The following ZBTB44 variants were observed in gnomAD, a reference collection of about 807,000 sequenced individuals.
ZBTB44 encodes the protein zinc finger and BTB domain-containing protein 44.
ZBTB44 carries 15 observed loss-of-function variants against 54.0 expected under a neutral mutation model. That is an observed-to-expected ratio of 0.28 (90% CI 0.19 to 0.43). ZBTB44 has a LOEUF of 0.43. Among genes scored for constraint, ZBTB44 ranks in the 20% least tolerant of loss-of-function variants. ZBTB44 has a pLI of 1.00. For missense variants in ZBTB44, 487 were observed against 707.1 expected (o/e 0.69, Z 3.53); for synonymous variants, 230 against 250.1 (o/e 0.92, Z 0.76).
intron 1 of ZBTB44, chr11:130,296,215 A>T (rs1941633696): frequency 1.7e-5 from 22 of 1,292,104 alleles, no homozygotes; most frequent in South Asian, 1.6e-4. Context: ...GTTAGTGTTG[A>T]TGATGATAAA....
At chr11:130,257,615 G>A (rs185879032) in intron 2 of ZBTB44, among the ~76,000 whole-genome samples, 15 of 152,276 alleles carry the variant, frequency 9.9e-5, no homozygotes, top group East Asian at 1.9e-4. Context: ...AACACCTGTC[G>A]TTCAGATTTC....
intron 1 of ZBTB44, chr11:130,296,002 A>C (rs1455359621): frequency 6.4e-7 from 1 of 1,560,148 alleles, no homozygotes; most frequent in African/African-American, 1.4e-5. Context: ...TATGCAGAAT[A>C]TCCCAGGGTT....
intron 1 of ZBTB44, among the ~76,000 whole-genome samples, chr11:130,291,633 T>C (rs770947058): frequency 6.6e-6 from 1 of 152,220 alleles, no homozygotes; most frequent in Non-Finnish European, 1.5e-5. Flanking sequence ...TTCTCTACAC[T>C]GAACTCTGGT....
At position 130,250,078 on chromosome 11, in the gene ZBTB44, G is replaced by C. The variant is rs182995664; in HGVS notation, c.1019-10182C>G. On this transcript the variant is annotated intron_variant, in intron 2 of 7. Transcript: ENST00000357899. The stretch of plus-strand genomic sequence containing the variant: ...TGACCTGGGACGATCAAGCTTGGTC[G>C]GGGGAGGGACATCCGCCATTACTGA... Among the ~76,000 whole-genome samples, 21 of 152,294 alleles carry C rather than the reference G, an allele frequency of 1.4e-4. No individual in the cohort carries two copies. The East Asian group carries it at 4.1e-3, about 30-fold the overall frequency.
chr11:130,251,171 G>C (rs1937969806), intron 2 of ZBTB44, among the ~76,000 whole-genome samples: 1 of 152,148 alleles, frequency 6.6e-6, no homozygotes, highest in Non-Finnish European at 1.5e-5. Flanking sequence ...ATAGCTGAAT[G>C]GATCAAGCGG....
chr11:130,261,126 T>C lies in ZBTB44; in HGVS notation c.748A>G (p.Asn250Asp), dbSNP rs373696087. The C allele has an allele frequency of 7.7e-5, 125 of 1,614,002 alleles. No homozygotes were observed. Among genetic ancestry groups the C allele is most frequent in the Middle Eastern group, 3.3e-4 (2 of 6,062 alleles). ...CCAGGTAATTCTAAAGTCCGGGTAT[T>C]TTCTGCTTGCTTAACTTTCTCAGGC... is the stretch of plus-strand genomic sequence containing the variant. ...IQPEKVKQAE[N>D]TRTLELPGPS... Residue 250 changes from asparagine (N) to aspartate (D), a missense_variant, in exon 2 of 8, where the codon AAT (asparagine) becomes GAT (aspartate). Physicochemically the swap from Asn to Asp is conservative, Grantham distance 23 (BLOSUM62 1). Transcript: ENST00000357899. This position sits in a 1 kb window ranked among gnomAD's most constrained non-coding sequence, Gnocchi z 4.8.
At chr11:130,313,022 T>C (rs893665149) in intron 1 of ZBTB44, among the ~76,000 whole-genome samples, 5 of 152,120 alleles carry the variant, frequency 3.3e-5, no homozygotes, top group Admixed American at 2.6e-4. Flanking sequence ...TTTTTATTCA[T>C]TGCATGAATA....
rs542573545 is a variant in ZBTB44 at position 130,280,223 on chromosome 11, A to T, written c.-56-18294T>A. ...TAAATGCAAATGATTTAATCACAACAATGAAAACACAGAGACAGCACGAGG... is the reference window on the plus strand; with the variant it reads ...TAAATGCAAATGATTTAATCACAACTATGAAAACACAGAGACAGCACGAGG... On this transcript the variant is annotated intron_variant, in intron 1 of 7. Transcript: ENST00000357899. 7.2e-5 allele frequency among the ~76,000 whole-genome samples: 11 copies of T among 152,340 alleles called. No homozygotes were observed. The East Asian group carries it at 2.1e-3, about 29-fold the overall frequency.
chr11:130,257,096 CA>C (rs1938501923), intron 2 of ZBTB44, among the ~76,000 whole-genome samples: 1 of 151,844 alleles, frequency 6.6e-6, no homozygotes, highest in Non-Finnish European at 1.5e-5. Context: ...AATCAATGTG[CA>C]AAAATCACAA....
intron 2 of ZBTB44, among the ~76,000 whole-genome samples, chr11:130,247,964 T>C (rs1470857749): frequency 1.3e-5 from 2 of 152,214 alleles, no homozygotes; most frequent in Non-Finnish European, 2.9e-5. Context: ...ATACTGAATT[T>C]TACAACCTTT....
rs965449374 is a variant in ZBTB44 at position 130,227,194 on chromosome 11, C to T, written c.*4570G>A. 3.3e-5 allele frequency: 5 copies of T among 152,044 alleles called. No individual in the cohort carries two copies. Among genetic ancestry groups the T allele is most frequent in the African/African-American group, 7.2e-5 (3 of 41,394 alleles). The allele number at this position is 152,044 out of a possible 1,614,324, so 9.4% of individuals were successfully genotyped here. On this transcript the variant is annotated 3_prime_UTR_variant, in exon 8 of 8. Coordinates refer to ENST00000357899, the MANE Select transcript of ZBTB44 (RefSeq NM_001301098.2). ...ATACTAGTATATAAAATGTGAAGTT[C>T]TGATATTGTATACATTTTTTGGAAA...
chr11:130,269,573 C>T (rs1379798756), intron 1 of ZBTB44, among the ~76,000 whole-genome samples: 3 of 152,050 alleles, frequency 2.0e-5, no homozygotes, highest in Non-Finnish European at 4.4e-5. Flanking sequence ...TGGTATGTTG[C>T]TAAACAACAT....
In ZBTB44 at chr11:130,313,097, A is replaced by G. The variant is rs1942719569; in HGVS notation, c.-57+1278T>C. Among the ~76,000 whole-genome samples the G allele has an allele frequency of 1.3e-5, 2 of 152,142 alleles. 1 individual carries two copies. Among genetic ancestry groups the G allele is most frequent in the South Asian group, 4.1e-4 (2 of 4,830 alleles). On this transcript the variant is annotated intron_variant, in intron 1 of 7. Coordinates refer to ENST00000357899, the MANE Select transcript of ZBTB44 (RefSeq NM_001301098.2). Reference sequence around the variant, plus strand: ...AAATTTTTCATAACAAAGTTAATAAAATTGTACTTCTATTGAGAAGTACGG... The same window carrying G: ...AAATTTTTCATAACAAAGTTAATAAGATTGTACTTCTATTGAGAAGTACGG...
chr11:130,257,255 A>AAAAAG (rs1938518918), intron 2 of ZBTB44, among the ~76,000 whole-genome samples: 4 of 151,640 alleles, frequency 2.6e-5, no homozygotes, highest in African/African-American at 9.7e-5. Context: ...AAAAAAAAAA[A>AAAAAG]AAAAGAAAAA....
chr11:130,293,821 A>C (rs950077369), intron 1 of ZBTB44, among the ~76,000 whole-genome samples: 2 of 151,994 alleles, frequency 1.3e-5, no homozygotes, highest in African/African-American at 4.8e-5. Flanking sequence ...AACAAACAAA[A>C]AAACCATTTT....
At chr11:130,251,065 T>A (rs1319936703) in intron 2 of ZBTB44, among the ~76,000 whole-genome samples, 2 of 152,172 alleles carry the variant, frequency 1.3e-5, no homozygotes, top group Non-Finnish European at 2.9e-5. Flanking sequence ...TTACAGCAAC[T>A]GCTAACTAGA....
Position 130,314,800 on chromosome 11 carries a change from G to A in ZBTB44, c.-482C>T, listed in dbSNP as rs1378885584. ...GGTGGGGAAGGGGAAGGGGACTGAGGGGAGGGGAGGGGGAGGTTGGGAGGG... is the reference window on the plus strand; with the variant it reads ...GGTGGGGAAGGGGAAGGGGACTGAGAGGAGGGGAGGGGGAGGTTGGGAGGG... On this transcript the variant is annotated 5_prime_UTR_variant, in exon 1 of 8. Coordinates refer to ENST00000357899, the MANE Select transcript of ZBTB44 (RefSeq NM_001301098.2). 1 of 133,130 alleles carries A rather than the reference G, an allele frequency of 7.5e-6. No homozygotes were observed. The highest frequency in any genetic ancestry group is 1.6e-5 in the Non-Finnish European group (1 of 61,622). The allele number at this position is 133,130 out of a possible 1,614,324, so 8.2% of individuals were successfully genotyped here. A position where few individuals can be genotyped will look rare whatever the true frequency, so the allele number is the denominator to read the frequency against.
chr11:130,233,293 C>T lies in ZBTB44; in HGVS notation c.*48+15G>A, dbSNP rs2136255638. On this transcript the variant is annotated intron_variant, in intron 7 of 7. Transcript: ENST00000357899. ...CAGTATGAGAAGAGTTCCTATGAAG[C>T]TGGGATTTACATACTTCATTCTCCG... 6.7e-7 allele frequency: 1 copy of T among 1,500,620 alleles called. No homozygotes were observed. The highest frequency in any genetic ancestry group is 2.5e-5 in the East Asian group (1 of 40,772). 93.0% of individuals were successfully genotyped at this position (1,500,620 alleles called of 1,614,324 possible). A position where few individuals can be genotyped will look rare whatever the true frequency, so the allele number is the denominator to read the frequency against.
At chr11:130,296,277 GAA>G in intron 1 of ZBTB44, 6 of 1,482,778 alleles carry the variant, frequency 4.0e-6, no homozygotes, top group East Asian at 2.3e-5. Context: ...TTGTCCTTCT[GAA>G]AAGAGATTCC....
Sources: allele counts gnomAD v4.1 joint callset (sites outside exome capture counted in the v4.1 genomes callset), GRCh38; gene constraint gnomAD v4.1.1; non-coding constraint Gnocchi (gnomAD v3.1); transcripts MANE v1.5; gene names NCBI Gene and HGNC (gene_info 2026-07-23, HGNC 2026-07-21).